RNF111: variants seen among roughly 807,000 people sequenced by gnomAD.
RNF111 encodes ring finger protein 111, also known as E3 ubiquitin-protein ligase Arkadia.
RNF111 carries 17 observed loss-of-function variants against 95.1 expected under a neutral mutation model. The observed-to-expected ratio is 0.18, with a 90% CI of 0.12 to 0.27. RNF111 has a LOEUF of 0.27. Among genes scored for constraint, RNF111 ranks in the 10% least tolerant of loss-of-function variants. RNF111 has a pLI of 1.00. For synonymous variants in RNF111, 440 were observed against 414.8 expected (o/e 1.06, Z -0.74); for missense variants, 1,189 against 1,210.4 (o/e 0.98, Z 0.26).
At chr15:59,025,221 T>C (rs142695973) in intron 1 of RNF111, among the ~76,000 whole-genome samples, 90 of 152,294 alleles carry the variant, frequency 5.9e-4, no homozygotes, top group African/African-American at 2.0e-3. Flanking sequence ...ATAGCAGTTA[T>C]CGTGAGTATA....
intron 10 of RNF111, among the ~76,000 whole-genome samples, chr15:59,089,096 G>T (rs1160958784): frequency 2.0e-5 from 3 of 152,076 alleles, no homozygotes; most frequent in Admixed American, 1.3e-4. Context: ...TTTTGCCACC[G>T]GTCATATCCA....
chr15:59,024,195 C>T (rs1241072259), intron 1 of RNF111, among the ~76,000 whole-genome samples: 1 of 152,162 alleles, frequency 6.6e-6, no homozygotes, highest in Non-Finnish European at 1.5e-5. Flanking sequence ...TATTCTCATT[C>T]TGCATATTTT....
At chr15:59,010,146 T>G (rs1198793780) in intron 1 of RNF111, among the ~76,000 whole-genome samples, 1 of 152,212 alleles carries the variant, frequency 6.6e-6, no homozygotes, top group African/African-American at 2.4e-5. Context: ...TATCGGCAAA[T>G]TTTTAATTGT....
At position 59,031,485 on chromosome 15, in the gene RNF111, C is replaced by G; in HGVS notation, c.663C>G (p.Ser221=). ...GAAAGAGATTTGTAAAAAATAATTC[C>G]TCACAGAGGACACAGAAACAAAAAG... The part of the protein sequence containing the change: ...PCRKRFVKNN[S]SQRTQKQKER... Residue 221 remains serine (S), a synonymous_variant, in exon 2 of 14, where the codon TCC becomes TCG. Coordinates refer to ENST00000348370, the MANE Select transcript of RNF111 (RefSeq NM_017610.8). 1.9e-6 allele frequency: 3 copies of G among 1,614,172 alleles called. No individual in the cohort carries two copies. Among genetic ancestry groups the G allele is most frequent in the Non-Finnish European group, 2.5e-6 (3 of 1,180,028 alleles).
chr15:59,001,431 TA>T (rs34531720), intron 1 of RNF111, among the ~76,000 whole-genome samples: 43 of 151,946 alleles, frequency 2.8e-4, no homozygotes, highest in Non-Finnish European at 5.6e-4. Context: ...TGTTGTTGAT[TA>T]AAAAAAAATT....
intron 2 of RNF111, among the ~76,000 whole-genome samples, chr15:59,045,815 C>G (rs1187548448): frequency 1.3e-5 from 2 of 152,140 alleles, no homozygotes; most frequent in African/African-American, 2.4e-5. Flanking sequence ...CTACCTTAAG[C>G]TGCATTGTGT....
Position 59,058,518 on chromosome 15 carries a change from C to T in RNF111, c.1334C>T (p.Thr445Ile), listed in dbSNP as rs1168729234. The stretch of plus-strand genomic sequence containing the variant: ...GTGTCAGAGACTTCAGCTACTCTTA[C>T]AAGCAATAGTACCACTGGCACTTCT... The part of the protein sequence containing the change: ...STVSETSATL[T>I]SNSTTGTSIG... Residue 445 changes from threonine (T) to isoleucine (I), a missense_variant, in exon 5 of 14, where the codon ACA becomes ATA. Thr to Ile is a moderately conservative substitution (Grantham distance 89). Around this residue, in one of 2 missense-constraint regions of RNF111, gnomAD observed 1,024 missense variants for 925.9 expected, o/e 1.11. Transcript: ENST00000348370. 1 of 1,614,012 alleles carries T rather than the reference C, an allele frequency of 6.2e-7. No individual in the cohort carries two copies. The highest frequency in any genetic ancestry group is 8.5e-7 in the Non-Finnish European group (1 of 1,179,916).
rs777889973 is a variant in RNF111 at position 59,052,436 on chromosome 15, G to C, written c.1007+5G>C. On this transcript the variant is annotated splice_donor_5th_base_variant and intron_variant, in intron 3 of 13. Transcript: ENST00000348370. ...AACAGTTGGAGAAAGCTATCGGTGA[G>C]ATTTTAATTCTTAGTTAAATGTTTG... The C allele has an allele frequency of 6.4e-7, 1 of 1,554,112 alleles. No individual in the cohort carries two copies. Among genetic ancestry groups the C allele is most frequent in the South Asian group, 1.3e-5 (1 of 78,978 alleles).
At chr15:59,061,190 C>T (rs2042421986) in intron 5 of RNF111, among the ~76,000 whole-genome samples, 2 of 152,168 alleles carry the variant, frequency 1.3e-5, no homozygotes, top group African/African-American at 4.8e-5. Context: ...AATCTTTGTT[C>T]ATTCACAAAT....
At chr15:58,991,624 G>GA (rs1400548408) in intron 1 of RNF111, among the ~76,000 whole-genome samples, 10 of 152,196 alleles carry the variant, frequency 6.6e-5, no homozygotes, top group Non-Finnish European at 1.0e-4. Flanking sequence ...TCAATGACTA[G>GA]AAAAAATCAG....
intron 1 of RNF111, among the ~76,000 whole-genome samples, chr15:58,995,049 T>G (rs1394900466): frequency 1.3e-5 from 2 of 152,186 alleles, no homozygotes; most frequent in African/African-American, 4.8e-5. Flanking sequence ...TCATATCTCT[T>G]TAGTCTCCTG....
chr15:59,016,846 A>G (rs180767045), intron 1 of RNF111, among the ~76,000 whole-genome samples: 1 of 152,152 alleles, frequency 6.6e-6, no homozygotes, highest in Admixed American at 6.6e-5. Context: ...CACTTACATT[A>G]CTGCTTGAGT....
intron 1 of RNF111, among the ~76,000 whole-genome samples, chr15:59,012,606 A>C (rs1169480499): frequency 6.6e-6 from 1 of 152,198 alleles, no homozygotes; most frequent in African/African-American, 2.4e-5. Flanking sequence ...TGGATGTTTT[A>C]ATAGAAAAAT....
chr15:59,071,664 C>T (rs377673582), intron 6 of RNF111, among the ~76,000 whole-genome samples: 32 of 151,110 alleles, frequency 2.1e-4, no homozygotes, highest in African/African-American at 6.6e-4. Flanking sequence ...CACTGCACTC[C>T]AGCCTGGGTA....
At chr15:59,064,404 C>T (rs911786288) in intron 5 of RNF111, among the ~76,000 whole-genome samples, 7 of 151,768 alleles carry the variant, frequency 4.6e-5, no homozygotes, top group African/African-American at 1.7e-4. Context: ...GGCTTGGTGG[C>T]GGGCGCCTGT....
rs113200452 is a variant in RNF111 at position 59,076,147 on chromosome 15, C to T, written c.1880C>T (p.Ala627Val). The change falls in exon 7 of 14, where the codon GCG becomes GTG. Residue 627 changes from alanine (A) to valine (V), a missense_variant. Ala to Val is a moderately conservative substitution (Grantham distance 64). Around this residue, in one of 2 missense-constraint regions of RNF111, gnomAD observed 1,024 missense variants for 925.9 expected, o/e 1.11. Coordinates refer to ENST00000348370, the MANE Select transcript of RNF111 (RefSeq NM_017610.8). ...GATGGCTATGGATCAAGCATGGTTG[C>T]GCAGCCCCAGCCCCAGCCCCCTCCA... ...SIDGYGSSMV[A>V]QPQPQPPPQP... 7.5e-5 allele frequency: 121 copies of T among 1,613,992 alleles called. No homozygotes were observed. The highest frequency in any genetic ancestry group is 3.2e-4 in the African/African-American group (24 of 75,036).
At position 59,095,089 on chromosome 15, in the gene RNF111, A is replaced by T. The variant is rs1449490009; in HGVS notation, c.*189A>T. The T allele has an allele frequency of 3.8e-6, 2 of 529,626 alleles. No homozygotes were observed. The highest frequency in any genetic ancestry group is 6.7e-6 in the Non-Finnish European group (2 of 299,600). 32.8% of individuals were successfully genotyped at this position (529,626 alleles called of 1,614,324 possible). On this transcript the variant is annotated 3_prime_UTR_variant, in exon 14 of 14. Coordinates refer to ENST00000348370, the MANE Select transcript of RNF111 (RefSeq NM_017610.8). The stretch of plus-strand genomic sequence containing the variant: ...ACAGTTGATTTTGATGTATTTATAA[A>T]AGCTTTTTTTTCTAGATTTGACATT...
intron 1 of RNF111, among the ~76,000 whole-genome samples, chr15:59,028,587 C>T (rs1274423758): frequency 6.6e-6 from 1 of 152,096 alleles, no homozygotes; most frequent in Non-Finnish European, 1.5e-5. Flanking sequence ...TACTTCATTT[C>T]TTTCTATTGC....
chr15:59,064,428 C>T lies in RNF111; in HGVS notation c.1367-2336C>T, dbSNP rs915238932. ...GCGGGCGCCTGTAGTCCCAGCTACT[C>T]GGGAGGCTGAGGCAGGAGAATGGCG... On this transcript the variant is annotated intron_variant, in intron 5 of 13. Transcript: ENST00000348370. Among the ~76,000 whole-genome samples the T allele has an allele frequency of 1.0e-4, 15 of 146,816 alleles. 1 individual carries two copies. The highest frequency in any genetic ancestry group is 4.3e-4 in the South Asian group (2 of 4,606).
Sources: gnomAD v4.1 joint callset for allele counts (sites outside exome capture counted in the v4.1 genomes callset) on GRCh38, gnomAD v4.1.1 for gene constraint, gnomAD v4.1.1 regional missense constraint, MANE v1.5 for transcripts, NCBI Gene and HGNC (gene_info 2026-07-23, HGNC 2026-07-21) for gene names.